MTUS2: variants seen among roughly 807,000 people sequenced by gnomAD.
The protein encoded by MTUS2 is microtubule-associated tumor suppressor candidate 2.
Under a neutral mutation model 114.1 loss-of-function variants are expected in MTUS2, and 40 were observed. The ratio of observed to expected loss-of-function variants is 0.35; its 90% CI spans 0.27 to 0.46. MTUS2 has a LOEUF of 0.46. Among genes scored for constraint, MTUS2 ranks in the 20% least tolerant of loss-of-function variants. The pLI, the probability that MTUS2 is intolerant of heterozygous loss-of-function variation, is 1.00. For synonymous variants in MTUS2, 688 were observed against 672.0 expected (o/e 1.02, Z -0.37); for missense variants, 1,679 against 1,705.4 (o/e 0.98, Z 0.27).
At chr13:28,863,983 A>C (rs1334735357) in intron 2 of MTUS2, among the ~76,000 whole-genome samples, 1 of 152,190 alleles carries the variant, frequency 6.6e-6, no homozygotes, top group African/African-American at 2.4e-5. Flanking sequence ...GGCACGAGTC[A>C]CTGCGCTCAG....
At chr13:29,325,920 T>TA (rs1900493196) in intron 7 of MTUS2, among the ~76,000 whole-genome samples, 1 of 152,354 alleles carries the variant, frequency 6.6e-6, no homozygotes, top group East Asian at 1.9e-4. Flanking sequence ...GTCCCGGACT[T>TA]ACATTGTTAG....
At chr13:28,991,604 A>G (rs1021140599) in intron 2 of MTUS2, among the ~76,000 whole-genome samples, 4 of 152,058 alleles carry the variant, frequency 2.6e-5, no homozygotes, top group African/African-American at 9.7e-5. Flanking sequence ...TCCTGACCTC[A>G]TGATCTGCCT....
chr13:29,153,270 A>T (rs1892730713), intron 5 of MTUS2, among the ~76,000 whole-genome samples: 1 of 152,120 alleles, frequency 6.6e-6, no homozygotes, highest in Admixed American at 6.5e-5. Context: ...GCCTAGAGAG[A>T]CCTCAGAAGT....
Position 29,451,067 on chromosome 13 carries a change from T to C in MTUS2, c.3184+11018T>C, listed in dbSNP as rs563740580. ...GAAAATCAGTCAGCTGTAGAAGACC[T>C]GAACAACGCTATCTTCCAACTTGAC... On this transcript the variant is annotated intron_variant, in intron 9 of 15. Transcript: ENST00000612955. Among the ~76,000 whole-genome samples, 59 of 152,282 alleles carry C rather than the reference T, an allele frequency of 3.9e-4. 2 individuals carry two copies. In the East Asian group the frequency reaches 6.0e-3, roughly 15 times the overall value.
chr13:29,121,557 G>A (rs1319378446), intron 5 of MTUS2, among the ~76,000 whole-genome samples: 4 of 151,976 alleles, frequency 2.6e-5, no homozygotes, highest in Admixed American at 6.6e-5. Context: ...TCCATGCAAA[G>A]CCTTTTCTGG....
chr13:29,349,580 G>A (rs1037812548), intron 7 of MTUS2, among the ~76,000 whole-genome samples: 4 of 151,790 alleles, frequency 2.6e-5, no homozygotes, highest in South Asian at 2.1e-4. Context: ...AGATTTGCTC[G>A]TGGTGAATTC....
At chr13:28,966,799 G>A (rs375296325) in intron 2 of MTUS2, among the ~76,000 whole-genome samples, 1 of 150,710 alleles carries the variant, frequency 6.6e-6, no homozygotes, top group Non-Finnish European at 1.5e-5. Context: ...GGAAGGTTTA[G>A]CGTTGCAAAC....
At chr13:29,468,171 T>C (rs565280840) in intron 9 of MTUS2, among the ~76,000 whole-genome samples, 1 of 152,284 alleles carries the variant, frequency 6.6e-6, no homozygotes, top group African/African-American at 2.4e-5. Context: ...AAGTATTTAT[T>C]ACTAAAAAAG....
Position 29,389,393 on chromosome 13 carries a change from G to GTGTGTA in MTUS2, c.3117+29923_3117+29924insGTATGT, listed in dbSNP as rs1566172791. On this transcript the variant is annotated intron_variant, in intron 8 of 15. Transcript: ENST00000612955. Reference sequence around the variant, plus strand: ...TGTGTGTATATATGTATACACGTGTGTGTATATATGTATACACGTGTGTGT... The same window carrying GTGTGTA: ...TGTGTGTATATATGTATACACGTGTGTGTGTATGTATATATGTATACACGTGTGTGT... Among the ~76,000 whole-genome samples, 47 of 79,334 alleles carry GTGTGTA rather than the reference G, an allele frequency of 5.9e-4. 1 individual carries two copies. The highest frequency in any genetic ancestry group is 1.8e-3 in the Admixed American group (15 of 8,140). 52.0% of individuals were successfully genotyped at this position (79,334 alleles called of 152,430 possible).
At chr13:29,001,045 C>T (rs1481769477) in intron 2 of MTUS2, among the ~76,000 whole-genome samples, 2 of 152,168 alleles carry the variant, frequency 1.3e-5, no homozygotes, top group African/African-American at 4.8e-5. Context: ...AGCCCTTGCC[C>T]ATATGCACAT....
At chr13:29,303,187 C>A (rs1172863094) in intron 6 of MTUS2, among the ~76,000 whole-genome samples, 1 of 152,168 alleles carries the variant, frequency 6.6e-6, no homozygotes, top group Non-Finnish European at 1.5e-5. Context: ...GATAAGCCCA[C>A]AAAGATGAGA....
chr13:28,950,884 C>A (rs922214066), intron 2 of MTUS2, among the ~76,000 whole-genome samples: 2 of 152,164 alleles, frequency 1.3e-5, no homozygotes, highest in African/African-American at 2.4e-5. Context: ...GATAGACTTG[C>A]ACGATGCAGG....
chr13:29,449,100 C>T (rs1407552297), intron 9 of MTUS2, among the ~76,000 whole-genome samples: 1 of 151,972 alleles, frequency 6.6e-6, no homozygotes, highest in African/African-American at 2.4e-5. Context: ...TACAGAAATC[C>T]AAATAGTTAA....
intron 2 of MTUS2, among the ~76,000 whole-genome samples, chr13:29,012,906 C>T (rs1341203565): frequency 2.0e-5 from 3 of 152,072 alleles, no homozygotes; most frequent in Non-Finnish European, 2.9e-5. Context: ...ACCTCAGTTG[C>T]GTTCAGGTGC....
At chr13:28,945,306 A>G (rs1882469299) in intron 2 of MTUS2, among the ~76,000 whole-genome samples, 3 of 152,082 alleles carry the variant, frequency 2.0e-5, no homozygotes, top group African/African-American at 7.2e-5. Flanking sequence ...TATCTTCGAT[A>G]TAATGATTTT....
At position 29,030,803 on chromosome 13, in the gene MTUS2, A is replaced by G. The variant is rs1461890879; in HGVS notation, c.2206-3082A>G. On this transcript the variant is annotated intron_variant, in intron 3 of 15. Coordinates refer to ENST00000612955, the MANE Select transcript of MTUS2 (RefSeq NM_001033602.4). Reference sequence around the variant, plus strand: ...GCTTCAGACTCTTCCATCCTTATCGACAGATCCCTGCTGGTTACATAGCAT... The same window carrying G: ...GCTTCAGACTCTTCCATCCTTATCGGCAGATCCCTGCTGGTTACATAGCAT... Among the ~76,000 whole-genome samples the G allele has an allele frequency of 3.3e-5, 5 of 152,292 alleles. No homozygotes were observed. The South Asian group carries it at 1.0e-3, about 32-fold the overall frequency.
At chr13:29,021,227 A>G (rs1470823052) in intron 2 of MTUS2, among the ~76,000 whole-genome samples, 1 of 152,202 alleles carries the variant, frequency 6.6e-6, no homozygotes, top group African/African-American at 2.4e-5. Flanking sequence ...TGAACGTGCT[A>G]CTGCACTCCA....
intron 5 of MTUS2, among the ~76,000 whole-genome samples, chr13:29,183,879 A>G (rs9551609): frequency 0.025 from 3,847 of 152,294 alleles, 96 homozygotes; most frequent in East Asian, 0.067. Flanking sequence ...AGAATTTTCC[A>G]GGTCTGTATA....
intron 8 of MTUS2, among the ~76,000 whole-genome samples, chr13:29,389,454 C>CGTGT (rs1415339502): frequency 1.3e-4 from 12 of 94,514 alleles, no homozygotes; most frequent in African/African-American, 4.4e-4. Flanking sequence ...TATGTATACA[C>CGTGT]GTGTGTGTAT....
Sources: allele counts gnomAD v4.1 joint callset (sites outside exome capture counted in the v4.1 genomes callset), GRCh38; gene constraint gnomAD v4.1.1; transcripts MANE v1.5; gene names NCBI Gene and HGNC (gene_info 2026-07-23, HGNC 2026-07-21).